AMDHD2: variants seen among roughly 807,000 people sequenced by gnomAD.
AMDHD2 encodes amidohydrolase domain containing 2, also known as N-acetylglucosamine-6-phosphate deacetylase.
Under a neutral mutation model 41.8 loss-of-function variants are expected in AMDHD2, and 24 were observed. The ratio of observed to expected loss-of-function variants is 0.57; its 90% confidence interval spans 0.42 to 0.81. AMDHD2 has a LOEUF of 0.81. Ranked by LOEUF, AMDHD2 falls within the 30% of genes least tolerant of loss-of-function variation. AMDHD2 has a pLI of 0.00. For missense variants in AMDHD2, 540 were observed against 588.5 expected (o/e 0.92, Z 0.85); for synonymous variants, 332 against 255.5 (o/e 1.30, Z -2.85).
At position 2,521,848 on chromosome 16, in the gene AMDHD2, A is replaced by G. The variant is rs562156547; in HGVS notation, c.360+725A>G. On this transcript the variant is annotated intron_variant, in intron 3 of 10. Transcript: ENST00000293971. ...GCCCAGGCTGGAGTGCAGTGGCACA[A>G]TCTTGGCTCACTGCAGGCTCCGCCC... Among the ~76,000 whole-genome samples, 9 of 148,942 alleles carry G rather than the reference A, an allele frequency of 6.0e-5. No individual in the cohort carries two copies. The East Asian group carries it at 1.6e-3, about 26-fold the overall frequency.
Position 2,529,588 on chromosome 16 carries a change from C to T in AMDHD2, c.*25C>T. On this transcript the variant is annotated 3_prime_UTR_variant, in exon 11 of 11. Transcript: ENST00000293971. ...ACAAGGACCTCGGCTGAGAGGACAC[C>T]TGGCCGCAGCGGGATGCCATCAGGG... 3.1e-6 allele frequency: 5 copies of T among 1,604,272 alleles called. No homozygotes were observed. Among genetic ancestry groups the T allele is most frequent in the Non-Finnish European group, 4.2e-6 (5 of 1,179,780 alleles).
Position 2,528,328 on chromosome 16 carries a change from C to T in AMDHD2, c.810C>T (p.Gly270=), listed in dbSNP as rs2066033794. 1 of 1,612,842 alleles carries T rather than the reference C, an allele frequency of 6.2e-7. No individual in the cohort carries two copies. Among genetic ancestry groups the T allele is most frequent in the Non-Finnish European group, 8.5e-7 (1 of 1,179,930 alleles). Residue 270 remains glycine, a synonymous_variant, in exon 7 of 11, where the codon GGC becomes GGT. Transcript: ENST00000293971. ...TCTTCTATGGGATGATTGCAGATGG[C>T]ACGCACACCAACCCCGCCGCCCTGC... is the stretch of plus-strand genomic sequence containing the variant. ...RCIFYGMIAD[G]THTNPAALRI... is the part of the protein sequence containing the mutation.
At chr16:2,529,137 C>G (rs912797731) in intron 10 of AMDHD2, 42 bp downstream of exon 10, 29 of 1,481,060 alleles carry the variant, frequency 2.0e-5, no homozygotes, top group Non-Finnish European at 2.2e-5. Flanking sequence ...CTGGCCCTGC[C>G]TGTAGACTCT....
chr16:2,523,918 C>A (rs997424880), intron 3 of AMDHD2, among the ~76,000 whole-genome samples: 6 of 152,268 alleles, frequency 3.9e-5, no homozygotes, highest in African/African-American at 1.4e-4. Flanking sequence ...CTGTGCCCCC[C>A]ACTGCCTGCG....
rs777749887 is a variant in AMDHD2, at chr16:2,528,015, T to C, written c.628+30T>C. 81 of 1,610,312 alleles carry C rather than the reference T, an allele frequency of 5.0e-5. 2 individuals are homozygous for C. The South Asian group carries it at 5.9e-4, about 12-fold the overall frequency. On this transcript the variant is annotated intron_variant, in intron 5 of 10. Transcript: ENST00000293971. Reference sequence around the variant, plus strand: ...GGGGCCGGCTCGGGGTGGGCCTGCTTGGGGGACCTGGGCCAGGTGCAAAGT... The same window carrying C: ...GGGGCCGGCTCGGGGTGGGCCTGCTCGGGGGACCTGGGCCAGGTGCAAAGT...
chr16:2,520,738 C>G lies in AMDHD2; in HGVS notation c.84-31C>G, dbSNP rs1350673651. The G allele has an allele frequency of 3.3e-6, 5 of 1,517,228 alleles. No homozygotes were observed. In the Middle Eastern group the frequency reaches 9.5e-4, roughly 290 times the overall value. 94.0% of individuals were successfully genotyped at this position (1,517,228 alleles called of 1,614,324 possible). A position where few individuals can be genotyped will look rare whatever the true frequency, so the allele number is the denominator to read the frequency against. On this transcript the variant is annotated intron_variant, in intron 1 of 10. Coordinates refer to ENST00000293971, the MANE Select transcript of AMDHD2 (RefSeq NM_001330449.2). ...GGGTGCGGGGCCGAGGTCAGGCCCG[C>G]GATGCGAGCGCCCACCCACTGCGTC...
At chr16:2,526,125 G>T (rs893373248) in intron 3 of AMDHD2, among the ~76,000 whole-genome samples, 1 of 152,112 alleles carries the variant, frequency 6.6e-6, no homozygotes, top group Non-Finnish European at 1.5e-5. Flanking sequence ...TTTTGTTCGG[G>T]CTCCTTTTCG....
At chr16:2,528,028 C>G in intron 5 of AMDHD2, 32 bp from the exon 6 acceptor site, 1 of 1,611,352 alleles carries the variant, frequency 6.2e-7, no homozygotes, top group Non-Finnish European at 8.5e-7. Context: ...GGGACCTGGG[C>G]CAGGTGCAAA....
At position 2,520,754 on chromosome 16, in the gene AMDHD2, CCACT is replaced by C. The variant is rs753350144; in HGVS notation, c.84-14_84-11del. 1 of 1,558,890 alleles carries C rather than the reference CCACT, an allele frequency of 6.4e-7. No homozygotes were observed. Among genetic ancestry groups the C allele is most frequent in the East Asian group, 2.3e-5 (1 of 43,380 alleles). ...TCAGGCCCGCGATGCGAGCGCCCACCCACTGCGTCCCCAGGGAGGATCTGTGGGT... is the reference window on the plus strand; with the variant it reads ...TCAGGCCCGCGATGCGAGCGCCCACCGCGTCCCCAGGGAGGATCTGTGGGT... On this transcript the variant is annotated splice_polypyrimidine_tract_variant and intron_variant, in intron 1 of 10. Coordinates refer to ENST00000293971, the MANE Select transcript of AMDHD2 (RefSeq NM_001330449.2).
rs1321119957 is a variant in AMDHD2, at chr16:2,521,015, G to C, written c.252G>C (p.Thr84=). The C allele has an allele frequency of 6.2e-7, 1 of 1,609,920 alleles. No individual in the cohort carries two copies. The highest frequency in any genetic ancestry group is 2.2e-5 in the East Asian group (1 of 44,634). The change falls in exon 3 of 11, where the codon ACG becomes ACC. Residue 84 remains threonine, a synonymous_variant. Coordinates refer to ENST00000293971, the MANE Select transcript of AMDHD2 (RefSeq NM_001330449.2). ...TTGGTGTTGACTTCTCTCAAGCCAC[G>C]GAGGACGTGGGTTCGGGGGTTGCCC... ...GGFGVDFSQA[T]EDVGSGVALV...
At position 2,529,861 on chromosome 16, in the gene AMDHD2, G is replaced by A. The variant is rs2066061583; in HGVS notation, c.*298G>A. On this transcript the variant is annotated 3_prime_UTR_variant, in exon 11 of 11. Coordinates refer to ENST00000293971, the MANE Select transcript of AMDHD2 (RefSeq NM_001330449.2). ...TTTAGCCTGGGCCTTGGGCCCCAGT[G>A]GGGGACAGGGCCTGTCTGCATGAAG... The A allele has an allele frequency of 1.5e-6, 2 of 1,328,136 alleles. No homozygotes were observed. Among genetic ancestry groups the A allele is most frequent in the Non-Finnish European group, 2.0e-6 (2 of 1,007,364 alleles). The allele number at this position is 1,328,136 out of a possible 1,614,324, so 82.3% of individuals were successfully genotyped here. A position where few individuals can be genotyped will look rare whatever the true frequency, so the allele number is the denominator to read the frequency against.
Position 2,520,445 on chromosome 16 carries a change from C to A in AMDHD2, c.-14C>A, listed in dbSNP as rs775121743. The A allele has an allele frequency of 1.3e-4, 165 of 1,231,122 alleles. No individual in the cohort carries two copies. Among genetic ancestry groups the A allele is most frequent in the Non-Finnish European group, 1.6e-4 (159 of 981,148 alleles). The allele number at this position is 1,231,122 out of a possible 1,614,324, so 76.3% of individuals were successfully genotyped here. A position where few individuals can be genotyped will look rare whatever the true frequency, so the allele number is the denominator to read the frequency against. On this transcript the variant is annotated 5_prime_UTR_variant, in exon 1 of 11. Transcript: ENST00000293971. Reference sequence around the variant, plus strand: ...GCGGGGCTCCGGAGCCGCTCGCTCCCGACACGGCTCACGATGCGCGGCGAG... The same window carrying A: ...GCGGGGCTCCGGAGCCGCTCGCTCCAGACACGGCTCACGATGCGCGGCGAG...
At chr16:2,520,954 C>T (rs1213957517) in intron 2 of AMDHD2, 30 bp from the exon 3 acceptor site, 2 of 1,596,800 alleles carry the variant, frequency 1.3e-6, no homozygotes, top group Non-Finnish European at 1.7e-6. Context: ...CTCTGAGCTC[C>T]ATGCGACACT....
intron 3 of AMDHD2, 39 bp downstream of exon 3, chr16:2,521,162 C>T (rs569740361): frequency 7.6e-5 from 115 of 1,514,052 alleles, no homozygotes; most frequent in South Asian, 2.0e-4. Context: ...AGGGGGCTCC[C>T]GGAGCAACCA....
At chr16:2,522,844 CTT>C (rs77502200) in intron 3 of AMDHD2, among the ~76,000 whole-genome samples, 18 of 135,040 alleles carry the variant, frequency 1.3e-4, no homozygotes, top group South Asian at 2.4e-4. Flanking sequence ...TAGTACTTAA[CTT>C]TTTTTTTTTT....
At position 2,529,087 on chromosome 16, in the gene AMDHD2, C is replaced by G; in HGVS notation, c.1133C>G (p.Ala378Gly). 2 of 1,582,806 alleles carry G rather than the reference C, an allele frequency of 1.3e-6. No homozygotes were observed. The highest frequency in any genetic ancestry group is 1.7e-6 in the Non-Finnish European group (2 of 1,165,428). The change falls in exon 10 of 11, where the codon GCT (alanine) becomes GGT (glycine). Residue 378 changes from alanine to glycine, a missense_variant. By Grantham distance (60) the Ala-to-Gly change is moderately conservative. Transcript: ENST00000293971. ...EKSKGTLDFG[A>G]DADFVVLDDS... is the part of the protein sequence containing the mutation. ...AGTAAGGGGACCCTGGACTTTGGTG[C>G]TGACGCAGGTGAGGGCCTGTCGCAG...
rs558752304 is a variant in AMDHD2 at position 2,530,861 on chromosome 16, G to C, written c.*1298G>C. 1.2e-6 allele frequency: 2 copies of C among 1,613,684 alleles called. No individual in the cohort carries two copies. The highest frequency in any genetic ancestry group is 3.3e-5 in the Admixed American group (2 of 60,030). ...GGATGTGGATCCTGACCTCCTGAGAGGTGTGAGGTGCAGGGATACCCACCT... is the reference window on the plus strand; with the variant it reads ...GGATGTGGATCCTGACCTCCTGAGACGTGTGAGGTGCAGGGATACCCACCT... On this transcript the variant is annotated 3_prime_UTR_variant, in exon 11 of 11. Coordinates refer to ENST00000293971, the MANE Select transcript of AMDHD2 (RefSeq NM_001330449.2).
At position 2,528,376 on chromosome 16, in the gene AMDHD2, C is replaced by T. The variant is rs1391333409; in HGVS notation, c.858C>T (p.Pro286=). Reference sequence around the variant, plus strand: ...TGCGGATCGCCCACCGTGCCCATCCCCAGGGTAAGCTGCGGCAGGTGGCCA... The same window carrying T: ...TGCGGATCGCCCACCGTGCCCATCCTCAGGGTAAGCTGCGGCAGGTGGCCA... ...AALRIAHRAH[P]QGLVLVTDAI... Residue 286 remains proline, a synonymous_variant, in exon 7 of 11, where the codon CCC becomes CCT. Transcript: ENST00000293971. The T allele has an allele frequency of 6.2e-7, 1 of 1,612,840 alleles. No homozygotes were observed. The highest frequency in any genetic ancestry group is 1.3e-5 in the African/African-American group (1 of 74,930).
Position 2,527,639 on chromosome 16 carries a change from C to T in AMDHD2, c.415+24C>T, listed in dbSNP as rs2141909004. On this transcript the variant is annotated intron_variant, in intron 4 of 10. Coordinates refer to ENST00000293971, the MANE Select transcript of AMDHD2 (RefSeq NM_001330449.2). The surrounding 1 kb of genome is among the most constrained non-coding windows in gnomAD (Gnocchi z 6.1). ...CGGTGAGTGGCTGACCTCCTCCCCG[C>T]CCCCACCCTGGGAGGCTCCTGCGGG... 2.5e-6 allele frequency: 4 copies of T among 1,602,112 alleles called. No individual in the cohort carries two copies. Among genetic ancestry groups the T allele is most frequent in the Non-Finnish European group, 3.4e-6 (4 of 1,174,892 alleles).
Sources: gnomAD v4.1 joint callset for allele counts (sites outside exome capture counted in the v4.1 genomes callset) on GRCh38, gnomAD v4.1.1 for gene constraint, Gnocchi (gnomAD v3.1) non-coding constraint, MANE v1.5 for transcripts, NCBI Gene and HGNC (gene_info 2026-07-23, HGNC 2026-07-21) for gene names.